PCDH15: variants seen among roughly 807,000 people sequenced by gnomAD.
PCDH15 encodes the protein protocadherin-15.
Under a neutral mutation model 178.5 loss-of-function variants are expected in PCDH15, and 129 were observed. The observed-to-expected ratio is 0.72, with a 90% CI of 0.63 to 0.84. The LOEUF (loss-of-function observed/expected upper bound fraction) is 0.84, where lower values mean the gene tolerates loss of function less well. Among genes scored for constraint, PCDH15 ranks in the 40% least tolerant of loss-of-function variants. The pLI, the probability that PCDH15 is intolerant of heterozygous loss-of-function variation, is 0.00. For synonymous variants in PCDH15, 800 were observed against 732.0 expected, an observed-to-expected ratio of 1.09 and a Z score of -1.50; for missense variants, 2,230 against 2,099.9, an observed-to-expected ratio of 1.06 and a Z score of -1.21.
At chr10:55,552,854 T>A (rs1842026580) in intron 2 of PCDH15, among the ~76,000 whole-genome samples, 2 of 151,606 alleles carry the variant, frequency 1.3e-5, no homozygotes, top group Admixed American at 1.3e-4. Flanking sequence ...TTTGTTTTCT[T>A]AAAATGCAGG....
chr10:53,825,069 A>AT, intron 32 of PCDH15: 3 of 1,455,682 alleles, frequency 2.1e-6, no homozygotes, highest in Non-Finnish European at 2.7e-6. Flanking sequence ...GTACAACAGC[A>AT]TTTTAATCTG....
intron 18 of PCDH15, among the ~76,000 whole-genome samples, chr10:54,029,743 T>A (rs1318226512): frequency 6.6e-6 from 1 of 152,186 alleles, no homozygotes; most frequent in Non-Finnish European, 1.5e-5. Flanking sequence ...ATATATTTCT[T>A]AAACACTAAA....
chr10:55,329,594 G>A (rs1844139000), intron 2 of PCDH15, among the ~76,000 whole-genome samples: 1 of 151,740 alleles, frequency 6.6e-6, no homozygotes, highest in African/African-American at 2.4e-5. Context: ...CAAGATGAGG[G>A]ACTGCTAAAA....
intron 3 of PCDH15, among the ~76,000 whole-genome samples, chr10:54,426,310 G>T (rs989776780): frequency 2.0e-5 from 3 of 152,118 alleles, no homozygotes; most frequent in African/African-American, 4.8e-5. Flanking sequence ...TTGGGGGGAA[G>T]GTTTCGGGAT....
chr10:54,178,629 G>A (rs2047673749), intron 13 of PCDH15, among the ~76,000 whole-genome samples: 1 of 152,076 alleles, frequency 6.6e-6, no homozygotes, highest in African/African-American at 2.4e-5. Context: ...ATGAAAAGAA[G>A]TGGGGTGAGG....
chr10:54,926,164 T>G (rs1238367850), intron 2 of PCDH15, among the ~76,000 whole-genome samples: 1 of 152,158 alleles, frequency 6.6e-6, no homozygotes, highest in East Asian at 1.9e-4. Flanking sequence ...GAAGGAATGT[T>G]GAATTTCATC....
intron 2 of PCDH15, among the ~76,000 whole-genome samples, chr10:54,998,274 T>G (rs1381112611): frequency 1.3e-5 from 2 of 152,070 alleles, no homozygotes; most frequent in Non-Finnish European, 2.9e-5. Context: ...AGTCATAAAT[T>G]TTTTTTCCTG....
intron 1 of PCDH15, among the ~76,000 whole-genome samples, chr10:55,240,810 T>C (rs1489264492): frequency 2.6e-5 from 4 of 152,204 alleles, no homozygotes; most frequent in Non-Finnish European, 1.5e-5. Context: ...ATCTAGTGTT[T>C]CTTATTACCA....
At chr10:53,934,245 G>C (rs1409536406) in intron 25 of PCDH15, among the ~76,000 whole-genome samples, 1 of 152,114 alleles carries the variant, frequency 6.6e-6, no homozygotes, top group Non-Finnish European at 1.5e-5. Flanking sequence ...ACCTCTACTA[G>C]AGCATTATTT....
intron 9 of PCDH15, among the ~76,000 whole-genome samples, chr10:54,221,189 T>C (rs755749937): frequency 3.9e-5 from 6 of 152,218 alleles, no homozygotes; most frequent in Non-Finnish European, 7.3e-5. Context: ...TTCAGCATTA[T>C]AATTATTAGA....
chr10:55,128,692 T>A (rs1009630502), intron 2 of PCDH15, among the ~76,000 whole-genome samples: 1 of 152,066 alleles, frequency 6.6e-6, no homozygotes, highest in Non-Finnish European at 1.5e-5. Flanking sequence ...AAACTCTGTG[T>A]TCTCCATCCA....
intron 2 of PCDH15, among the ~76,000 whole-genome samples, chr10:55,370,004 A>G (rs950740468): frequency 6.6e-6 from 1 of 152,108 alleles, no homozygotes; most frequent in Non-Finnish European, 1.5e-5. Context: ...CCTAAATTTT[A>G]AATGATCACA....
In PCDH15 at chr10:53,805,067, C is replaced by T. The variant is rs192798236; in HGVS notation, c.*1512G>A. 5 of 152,034 alleles carry T rather than the reference C, an allele frequency of 3.3e-5. No individual in the cohort carries two copies. The East Asian group carries it at 5.8e-4, about 18-fold the overall frequency. The allele number at this position is 152,034 out of a possible 1,614,324, so 9.4% of individuals were successfully genotyped here. A position where few individuals can be genotyped will look rare whatever the true frequency, so the allele number is the denominator to read the frequency against. On this transcript the variant is annotated 3_prime_UTR_variant, in exon 38 of 38. Coordinates refer to ENST00000644397, the MANE Select transcript of PCDH15 (RefSeq NM_001384140.1). ...CTGAAGTAAAAACATACTACTCTTA[C>T]AAGTCGGCAAGTTTATGTCAGTACA...
intron 2 of PCDH15, among the ~76,000 whole-genome samples, chr10:55,403,541 T>C (rs1316838458): frequency 6.6e-6 from 1 of 151,962 alleles, no homozygotes; most frequent in Non-Finnish European, 1.5e-5. Flanking sequence ...GTTGATTTTT[T>C]ATATGGTGAG....
chr10:55,447,556 G>A (rs1367695401), intron 2 of PCDH15, among the ~76,000 whole-genome samples: 1 of 151,946 alleles, frequency 6.6e-6, no homozygotes, highest in East Asian at 1.9e-4. Context: ...CAAATAGGCG[G>A]AAACAAGAAA....
chr10:53,889,695 CTAAGTA>C (rs1264287722), intron 26 of PCDH15, among the ~76,000 whole-genome samples: 1 of 152,146 alleles, frequency 6.6e-6, no homozygotes, highest in East Asian at 1.9e-4. Context: ...ATTTCTACTC[CTAAGTA>C]TATTTGTAAT....
At chr10:54,967,153 C>G (rs982213175) in intron 2 of PCDH15, among the ~76,000 whole-genome samples, 1 of 151,802 alleles carries the variant, frequency 6.6e-6, no homozygotes, top group Non-Finnish European at 1.5e-5. Context: ...TATAAAAAAA[C>G]TACAATGTTA....
intron 2 of PCDH15, among the ~76,000 whole-genome samples, chr10:54,550,671 A>C (rs562618026): frequency 6.6e-6 from 1 of 152,234 alleles, no homozygotes; most frequent in South Asian, 2.1e-4. Flanking sequence ...GTACCTATAA[A>C]TGTTAGATAA....
At chr10:54,488,339 C>T (rs2079281431) in intron 3 of PCDH15, among the ~76,000 whole-genome samples, 1 of 151,306 alleles carries the variant, frequency 6.6e-6, no homozygotes, top group African/African-American at 2.4e-5. Flanking sequence ...TATTGGTTAC[C>T]AGCGTAATTT....
Sources: gnomAD v4.1 joint callset for allele counts (sites outside exome capture counted in the v4.1 genomes callset) on GRCh38, gnomAD v4.1.1 for gene constraint, MANE v1.5 for transcripts, NCBI Gene and HGNC (gene_info 2026-07-23, HGNC 2026-07-21) for gene names.